USP49: variants seen among roughly 807,000 people sequenced by gnomAD.
USP49 encodes the protein ubiquitin specific peptidase 49, also known as ubiquitin carboxyl-terminal hydrolase 49.
Under a neutral mutation model 58.6 loss-of-function variants are expected in USP49, and 24 were observed. The observed-to-expected ratio is 0.41, with a 90% CI of 0.30 to 0.58. USP49 has a LOEUF of 0.58. USP49 is among the 20% of genes least tolerant of loss of function. USP49 has a pLI of 0.30. For missense variants in USP49, 703 were observed against 866.1 expected, an observed-to-expected ratio of 0.81 and a Z score of 2.36; for synonymous variants, 408 against 365.1, an observed-to-expected ratio of 1.12 and a Z score of -1.34.
At chr6:41,876,028 C>A (rs991186944) in intron 2 of USP49, among the ~76,000 whole-genome samples, 8 of 152,206 alleles carry the variant, frequency 5.3e-5, no homozygotes, top group African/African-American at 1.9e-4. Context: ...CCATGCTCAG[C>A]CCTAAATCTA....
intron 3 of USP49, among the ~76,000 whole-genome samples, chr6:41,833,795 T>C (rs753251404): frequency 5.9e-5 from 9 of 152,332 alleles, no homozygotes; most frequent in Middle Eastern, 3.4e-3. Context: ...TGATGAGGTT[T>C]GGGGTGATAG....
At chr6:41,804,974 C>G (rs1561903433) in intron 4 of USP49, among the ~76,000 whole-genome samples, 1 of 152,224 alleles carries the variant, frequency 6.6e-6, no homozygotes, top group African/African-American at 2.4e-5. Context: ...TCTCTAACTC[C>G]TGACCTCAGG....
intron 3 of USP49, among the ~76,000 whole-genome samples, chr6:41,868,074 G>A (rs143250584): frequency 0.025 from 3,786 of 152,114 alleles, 132 homozygotes; most frequent in Admixed American, 0.1. Context: ...TTATTAACTA[G>A]GCCAGCACTC....
chr6:41,890,219 A>T (rs1774787634), intron 2 of USP49, among the ~76,000 whole-genome samples: 1 of 152,040 alleles, frequency 6.6e-6, no homozygotes, highest in Non-Finnish European at 1.5e-5. Flanking sequence ...CTCTACTAAA[A>T]ATACAAAACC....
At chr6:41,838,768 G>T (rs1773769602) in intron 3 of USP49, among the ~76,000 whole-genome samples, 1 of 152,132 alleles carries the variant, frequency 6.6e-6, no homozygotes, top group Non-Finnish European at 1.5e-5. Context: ...CCAAACCACT[G>T]CAGAATATAC....
chr6:41,847,087 T>G (rs1471687751), intron 3 of USP49, among the ~76,000 whole-genome samples: 1 of 152,210 alleles, frequency 6.6e-6, no homozygotes, highest in South Asian at 2.1e-4. Flanking sequence ...CAGATGGTTG[T>G]TTGTTTTAAG....
At chr6:41,800,086 T>C in intron 5 of USP49, 148 bp from the exon 6 acceptor site, 1 of 651,350 alleles carries the variant, frequency 1.5e-6, no homozygotes, top group Non-Finnish European at 2.8e-6. Context: ...TGACACTCTT[T>C]ATGACTGCAT....
intron 1 of USP49, among the ~76,000 whole-genome samples, chr6:41,892,601 G>C (rs1047551088): frequency 4.6e-5 from 7 of 152,164 alleles, no homozygotes; most frequent in Admixed American, 4.6e-4. Context: ...GCTGAATGCA[G>C]AAAGAGTTTT....
At position 41,802,456 on chromosome 6, in the gene USP49, A is replaced by ATTTTTTTTTTTTTTTTTTTTTTTTT. The variant is rs1186521851; in HGVS notation, c.1561+1349_1561+1350insAAAAAAAAAAAAAAAAAAAAAAAAA. Among the ~76,000 whole-genome samples, 2 of 70,294 alleles carry ATTTTTTTTTTTTTTTTTTTTTTTTT rather than the reference A, an allele frequency of 2.8e-5. 1 individual carries two copies. Among genetic ancestry groups the ATTTTTTTTTTTTTTTTTTTTTTTTT allele is most frequent in the Non-Finnish European group, 5.5e-5 (2 of 36,154 alleles). The allele number at this position is 70,294 out of a possible 152,430, so 46.1% of individuals were successfully genotyped here. A position where few individuals can be genotyped will look rare whatever the true frequency, so the allele number is the denominator to read the frequency against. ...TATTTATTTATTTATTTATTTATTT[A>ATTTTTTTTTTTTTTTTTTTTTTTTT]TTTATTTATTTATTTTTTATTTATT... On this transcript the variant is annotated intron_variant, in intron 5 of 7. Coordinates refer to ENST00000682992, the MANE Select transcript of USP49 (RefSeq NM_001286554.2).
chr6:41,818,339 G>A (rs960926269), intron 3 of USP49, among the ~76,000 whole-genome samples: 7 of 152,104 alleles, frequency 4.6e-5, no homozygotes, highest in Admixed American at 1.3e-4. Context: ...GGGAGAGCAC[G>A]TGTACACACA....
At chr6:41,814,059 T>C (rs956623862) in intron 3 of USP49, among the ~76,000 whole-genome samples, 3 of 152,236 alleles carry the variant, frequency 2.0e-5, no homozygotes, top group African/African-American at 7.2e-5. Context: ...CCACTTAAAA[T>C]GTACATCATC....
chr6:41,801,494 G>T (rs769291353), intron 5 of USP49, among the ~76,000 whole-genome samples: 5 of 152,138 alleles, frequency 3.3e-5, no homozygotes, highest in Non-Finnish European at 7.4e-5. Flanking sequence ...ACAATACGTG[G>T]GGGCATGAAC....
chr6:41,869,093 TTTTTAA>T (rs1774372104), intron 3 of USP49, among the ~76,000 whole-genome samples: 7 of 151,482 alleles, frequency 4.6e-5, no homozygotes, highest in Admixed American at 3.9e-4. Context: ...TTTTTTTTTT[TTTTTAA>T]TTTTAACACC....
At chr6:41,855,191 T>A (rs1282772088) in intron 3 of USP49, among the ~76,000 whole-genome samples, 2 of 152,188 alleles carry the variant, frequency 1.3e-5, no homozygotes, top group East Asian at 3.9e-4. Context: ...GACTTTTTTT[T>A]TTTTGGCATA....
At chr6:41,866,026 A>G (rs1196770137) in intron 3 of USP49, among the ~76,000 whole-genome samples, 3 of 141,868 alleles carry the variant, frequency 2.1e-5, no homozygotes, top group Non-Finnish European at 4.5e-5. Flanking sequence ...AGTTCAAGCG[A>G]TTCTCCTCCC....
chr6:41,797,050 C>T (rs939745148), intron 7 of USP49, among the ~76,000 whole-genome samples: 2 of 150,886 alleles, frequency 1.3e-5, no homozygotes, highest in Non-Finnish European at 2.9e-5. Context: ...CCCAGGTTCA[C>T]GCCATTCTCC....
intron 2 of USP49, among the ~76,000 whole-genome samples, chr6:41,888,540 G>A (rs922302045): frequency 4.6e-5 from 7 of 152,130 alleles, no homozygotes; most frequent in Admixed American, 4.6e-4. Flanking sequence ...TGCAACCTCT[G>A]CCTCCCGGAT....
rs1325729923 is a variant in USP49, at chr6:41,795,921, ACC to A, written c.*610_*611del. The stretch of plus-strand genomic sequence containing the variant: ...AGTAGGGAGGGTATGACATATGAAA[ACC>A]ATCCCACTTTGCATGGGGAAATTTG... On this transcript the variant is annotated 3_prime_UTR_variant, in exon 8 of 8. Coordinates refer to ENST00000682992, the MANE Select transcript of USP49 (RefSeq NM_001286554.2). The A allele has an allele frequency of 6.6e-6, 1 of 152,126 alleles. No individual in the cohort carries two copies. The highest frequency in any genetic ancestry group is 1.5e-5 in the Non-Finnish European group (1 of 68,026). The allele number at this position is 152,126 out of a possible 1,614,324, so 9.4% of individuals were successfully genotyped here. A position where few individuals can be genotyped will look rare whatever the true frequency, so the allele number is the denominator to read the frequency against.
intron 3 of USP49, among the ~76,000 whole-genome samples, chr6:41,863,293 G>A (rs889177346): frequency 3.3e-5 from 5 of 152,108 alleles, no homozygotes; most frequent in Admixed American, 1.3e-4. Context: ...TCTTCATTAT[G>A]ATAGCTCATT....
Sources: allele counts gnomAD v4.1 joint callset (sites outside exome capture counted in the v4.1 genomes callset), GRCh38; gene constraint gnomAD v4.1.1; transcripts MANE v1.5; gene names NCBI Gene and HGNC (gene_info 2026-07-23, HGNC 2026-07-21).